LRRC9: variants seen among roughly 807,000 people sequenced by gnomAD.
LRRC9 encodes the protein leucine-rich repeat-containing protein 9.
Under a neutral mutation model 63.2 loss-of-function variants are expected in LRRC9, and 122 were observed. That is an observed-to-expected ratio of 1.93 (90% CI 1.67 to 2.24). The LOEUF (loss-of-function observed/expected upper bound fraction) is 2.24. LRRC9 is among the 30% of genes most tolerant of loss of function. The probability of loss-of-function intolerance (pLI) is 0.00; values close to 1 mark genes in which losing one functional copy is unlikely to be tolerated. For synonymous variants in LRRC9, 366 were observed against 213.1 expected (o/e 1.72, Z -6.25); for missense variants, 1,071 against 627.7 (o/e 1.71, Z -7.55).
At chr14:60,059,590 T>C (rs890139157) in intron 31 of LRRC9, among the ~76,000 whole-genome samples, 1 of 152,260 alleles carries the variant, frequency 6.6e-6, no homozygotes, top group African/African-American at 2.4e-5. Context: ...ACAATCTTAT[T>C]GCTGATATGG....
intron 31 of LRRC9, among the ~76,000 whole-genome samples, chr14:60,059,628 C>A (rs1894523887): frequency 6.6e-6 from 1 of 152,158 alleles, no homozygotes; most frequent in South Asian, 2.1e-4. Flanking sequence ...GGATATCAAC[C>A]AGCCACAACA....
chr14:60,054,057 T>C (rs897952417), intron 30 of LRRC9: 3 of 361,374 alleles, frequency 8.3e-6, no homozygotes, highest in Non-Finnish European at 1.6e-5. Flanking sequence ...TTAGAGTCCA[T>C]GAACAGAGGT....
rs1315833461 is a variant in LRRC9 at position 59,958,545 on chromosome 14, T to C, written c.883-1273T>C. The stretch of plus-strand genomic sequence containing the variant: ...GCAGCGAGAATTTCAAGCTAGTGGT[T>C]CTTAGCTTGCTGGGCTCTGTGGGAG... On this transcript the variant is annotated intron_variant, in intron 8 of 31. Transcript: ENST00000445360. The surrounding 1 kb of genome is among the most constrained non-coding windows in gnomAD (Gnocchi z 4.0). 1.3e-5 allele frequency among the ~76,000 whole-genome samples: 2 copies of C among 152,210 alleles called. No homozygotes were observed. Among genetic ancestry groups the C allele is most frequent in the African/African-American group, 4.8e-5 (2 of 41,440 alleles).
intron 23 of LRRC9, among the ~76,000 whole-genome samples, chr14:60,015,224 T>C (rs1361251349): frequency 6.0e-5 from 9 of 150,032 alleles, no homozygotes; most frequent in Non-Finnish European, 1.3e-4. Flanking sequence ...AATTGCTTGT[T>C]GAGCATTTTT....
At chr14:60,056,039 T>TCAC (rs1352786960) in intron 30 of LRRC9, among the ~76,000 whole-genome samples, 1 of 152,182 alleles carries the variant, frequency 6.6e-6, no homozygotes, top group African/African-American at 2.4e-5. Context: ...AGTAATGCCA[T>TCAC]CACTTAGACC....
chr14:60,063,340 T>C (rs761576501), exon 32 of LRRC9: 337 of 701,918 alleles, frequency 4.8e-4, no homozygotes, highest in Admixed American at 7.0e-4. Context: ...GGGAGCAACT[T>C]TCCAAGATCA....
chr14:60,040,986 C>T (rs1892897263), intron 29 of LRRC9, among the ~76,000 whole-genome samples: 1 of 151,882 alleles, frequency 6.6e-6, no homozygotes, highest in South Asian at 2.1e-4. Context: ...ATTTGTTTGT[C>T]TGAAAGGATT....
At chr14:59,976,872 G>A (rs1368274871) in intron 13 of LRRC9, among the ~76,000 whole-genome samples, 1 of 152,146 alleles carries the variant, frequency 6.6e-6, no homozygotes, top group Admixed American at 6.5e-5. Context: ...TAAGCTATGT[G>A]CTAGGTGCTA....
chr14:59,944,543 T>C (rs1416973571), intron 7 of LRRC9, 46 bp from the exon 8 acceptor site: 1 of 535,872 alleles, frequency 1.9e-6, no homozygotes, highest in African/African-American at 1.9e-5. Context: ...CAATTGCCTA[T>C]AATTTGTTTT....
chr14:60,051,119 T>G lies in LRRC9; in HGVS notation c.3991-1946T>G, dbSNP rs1452956139. 6.6e-6 allele frequency among the ~76,000 whole-genome samples: 1 copy of G among 152,138 alleles called. No individual in the cohort carries two copies. Among genetic ancestry groups the G allele is most frequent in the Non-Finnish European group, 1.5e-5 (1 of 68,022 alleles). On this transcript the variant is annotated intron_variant, in intron 29 of 31. Coordinates refer to ENST00000445360, the Ensembl canonical transcript of LRRC9. The surrounding 1 kb of genome is among the most constrained non-coding windows in gnomAD (Gnocchi z 4.7). The stretch of plus-strand genomic sequence containing the variant: ...TTTTGGTAGAGCCAGTGTGCTCCAT[T>G]GGTGAGGGACTCTTCCTAGTCCGGA...
At chr14:59,931,907 A>T in intron 5 of LRRC9, 62 bp from the exon 6 acceptor site, 1 of 686,386 alleles carries the variant, frequency 1.5e-6, no homozygotes, top group Non-Finnish European at 2.6e-6. Flanking sequence ...TACAACTCAG[A>T]AGTATGACAG....
intron 8 of LRRC9, among the ~76,000 whole-genome samples, chr14:59,956,936 T>C (rs1173198062): frequency 6.6e-6 from 1 of 152,344 alleles, no homozygotes; most frequent in African/African-American, 2.4e-5. Flanking sequence ...TTCTTTTCTT[T>C]AAGAATGTTG....
intron 1 of LRRC9, among the ~76,000 whole-genome samples, chr14:59,926,408 C>T (rs759273796): frequency 7.2e-5 from 11 of 152,030 alleles, no homozygotes; most frequent in Admixed American, 1.3e-4. Flanking sequence ...AGCACATGTA[C>T]ATAATTTAGC....
rs961181091 is a variant in LRRC9 at position 59,958,764 on chromosome 14, G to A, written c.883-1054G>A. 3.3e-5 allele frequency among the ~76,000 whole-genome samples: 5 copies of A among 152,234 alleles called. 1 individual carries two copies. Among genetic ancestry groups the A allele is most frequent in the African/African-American group, 1.2e-4 (5 of 41,464 alleles). Reference sequence around the variant, plus strand: ...CAGAGCCCTGGTGGTATAGGCACACGAGGGAATCTCCTGATCTGCAGATTG... The same window carrying A: ...CAGAGCCCTGGTGGTATAGGCACACAAGGGAATCTCCTGATCTGCAGATTG... On this transcript the variant is annotated intron_variant, in intron 8 of 31. Transcript: ENST00000445360. The surrounding 1 kb of genome is among the most constrained non-coding windows in gnomAD (Gnocchi z 4.0).
intron 23 of LRRC9, among the ~76,000 whole-genome samples, chr14:60,010,393 G>A (rs1890166181): frequency 6.6e-6 from 1 of 152,198 alleles, no homozygotes; most frequent in Non-Finnish European, 1.5e-5. Context: ...CATGACTGGA[G>A]TGACTGGGAC....
rs1889661525 is a variant in LRRC9 at position 60,004,635 on chromosome 14, T to C, written c.2842+837T>C. On this transcript the variant is annotated intron_variant, in intron 21 of 31. Transcript: ENST00000445360. The surrounding 1 kb of genome is among the most constrained non-coding windows in gnomAD (Gnocchi z 4.8). ...TATGCTTATCTACAGCTAAAAATCA[T>C]GAGTTTAGAGAACATGTCCTAGAAT... Among the ~76,000 whole-genome samples, 1 of 152,078 alleles carries C rather than the reference T, an allele frequency of 6.6e-6. No individual in the cohort carries two copies. The highest frequency in any genetic ancestry group is 1.9e-4 in the East Asian group (1 of 5,196).
chr14:59,975,102 C>CAT (rs1216150707), intron 13 of LRRC9, among the ~76,000 whole-genome samples: 3 of 9,630 alleles, frequency 3.1e-4, no homozygotes, highest in African/African-American at 4.8e-4. Flanking sequence ...TATATATATA[C>CAT]ATATATATAT....
At chr14:59,943,004 GT>G (rs1881951171) in intron 7 of LRRC9, among the ~76,000 whole-genome samples, 2 of 129,826 alleles carry the variant, frequency 1.5e-5, no homozygotes, top group Non-Finnish European at 3.3e-5. Context: ...GTATGTGTTG[GT>G]TTTTTTGTAT....
At chr14:60,039,424 A>T (rs988212200) in intron 29 of LRRC9, among the ~76,000 whole-genome samples, 1 of 152,180 alleles carries the variant, frequency 6.6e-6, no homozygotes. Flanking sequence ...GCTATTAATT[A>T]TTGCCTCAAT....
Sources: allele counts gnomAD v4.1 joint callset (sites outside exome capture counted in the v4.1 genomes callset), GRCh38; gene constraint gnomAD v4.1.1; non-coding constraint Gnocchi (gnomAD v3.1); transcripts MANE v1.5; gene names NCBI Gene and HGNC (gene_info 2026-07-23, HGNC 2026-07-21).